Variants in FHOD3 observed in about 807,000 individuals in gnomAD.
The protein encoded by FHOD3 is FH1/FH2 domain-containing protein 3.
FHOD3 carries 90 observed loss-of-function variants against 173.0 expected under a neutral mutation model. The observed-to-expected ratio is 0.52, with a 90% CI of 0.44 to 0.62. The LOEUF is 0.62. Ranked by LOEUF, FHOD3 falls within the 20% of genes least tolerant of loss-of-function variation. The pLI is 0.00. For missense variants in FHOD3, 1,945 were observed against 2,034.7 expected (o/e 0.96, Z 0.85); for synonymous variants, 828 against 823.0 (o/e 1.01, Z -0.10).
chr18:36,386,006 C>A (rs533755285), intron 3 of FHOD3, among the ~76,000 whole-genome samples: 2 of 152,156 alleles, frequency 1.3e-5, no homozygotes, highest in Non-Finnish European at 2.9e-5. Flanking sequence ...AAAGTTGAAA[C>A]GTTATGCTCT....
intron 1 of FHOD3, among the ~76,000 whole-genome samples, chr18:36,352,286 T>G (rs544002811): frequency 2.1e-4 from 32 of 151,994 alleles, no homozygotes; most frequent in Non-Finnish European, 3.5e-4. Context: ...TAAAAGAAAT[T>G]TAAAATAAAT....
At chr18:36,619,073 C>G (rs2033484651) in intron 9 of FHOD3, among the ~76,000 whole-genome samples, 2 of 152,196 alleles carry the variant, frequency 1.3e-5, no homozygotes, top group Admixed American at 6.5e-5. Context: ...CTGCTTGCCT[C>G]TCTACCTTCC....
At chr18:36,375,806 G>A (rs1382201733) in intron 3 of FHOD3, among the ~76,000 whole-genome samples, 1 of 152,238 alleles carries the variant, frequency 6.6e-6, no homozygotes, top group Non-Finnish European at 1.5e-5. Flanking sequence ...AGGTTGGAAT[G>A]AGATTTTGGT....
At chr18:36,484,181 T>G (rs2054073978) in intron 3 of FHOD3, among the ~76,000 whole-genome samples, 1 of 152,256 alleles carries the variant, frequency 6.6e-6, no homozygotes, top group African/African-American at 2.4e-5. Context: ...AATTCTTAGC[T>G]GTGAGGGCTC....
At chr18:36,727,571 A>C (rs2041140618) in intron 19 of FHOD3, among the ~76,000 whole-genome samples, 1 of 152,166 alleles carries the variant, frequency 6.6e-6, no homozygotes, top group Non-Finnish European at 1.5e-5. Flanking sequence ...GTGCTCTGCA[A>C]ATGTGCAGAA....
At chr18:36,602,440 C>T (rs2031515660) in intron 7 of FHOD3, among the ~76,000 whole-genome samples, 1 of 152,180 alleles carries the variant, frequency 6.6e-6, no homozygotes. Flanking sequence ...CTGAAGCGTA[C>T]ACAATGCTCT....
At chr18:36,497,659 AT>A (rs1444137972) in intron 3 of FHOD3, among the ~76,000 whole-genome samples, 1 of 152,218 alleles carries the variant, frequency 6.6e-6, no homozygotes, top group Non-Finnish European at 1.5e-5. Flanking sequence ...AGCCACAACA[AT>A]CCCAAATGTA....
rs924475816 is a variant in FHOD3, at chr18:36,312,436, G to C, written c.165+14436G>C. On this transcript the variant is annotated intron_variant, in intron 1 of 28. Coordinates refer to ENST00000590592, the MANE Select transcript of FHOD3 (RefSeq NM_001281740.3). ...GGGCTCTGAGGCCAAATACCCAGCT[G>C]CCCTTTGAACAGCTCGTCCTGGACG... Among the ~76,000 whole-genome samples the C allele has an allele frequency of 4.3e-4, 65 of 152,070 alleles. 1 individual carries two copies. Among genetic ancestry groups the C allele is most frequent in the Admixed American group, 4.2e-3 (64 of 15,270 alleles).
intron 3 of FHOD3, among the ~76,000 whole-genome samples, chr18:36,481,554 G>C (rs1207916905): frequency 6.6e-6 from 1 of 151,586 alleles, no homozygotes; most frequent in Non-Finnish European, 1.5e-5. Flanking sequence ...TTTCTTACAT[G>C]GTTCTGAAAA....
intron 7 of FHOD3, among the ~76,000 whole-genome samples, chr18:36,600,273 ACACACACACACACACATATG>A (rs2031166329): frequency 6.6e-6 from 1 of 151,692 alleles, no homozygotes; most frequent in Non-Finnish European, 1.5e-5. Flanking sequence ...ACACACACAC[ACACACACACACACACATATG>A]CACACATACA....
intron 3 of FHOD3, among the ~76,000 whole-genome samples, chr18:36,497,051 G>T (rs1354265624): frequency 6.6e-6 from 1 of 152,190 alleles, no homozygotes; most frequent in Non-Finnish European, 1.5e-5. Flanking sequence ...TTGTGAATCT[G>T]CAAAGTCTGT....
chr18:36,465,474 G>A (rs562015351), intron 3 of FHOD3, among the ~76,000 whole-genome samples: 70 of 152,304 alleles, frequency 4.6e-4, no homozygotes, highest in South Asian at 2.3e-3. Context: ...TCTGCAAAGC[G>A]CAGGGGTGGG....
intron 3 of FHOD3, among the ~76,000 whole-genome samples, chr18:36,478,973 A>G (rs1390539211): frequency 6.6e-6 from 1 of 152,240 alleles, no homozygotes; most frequent in Non-Finnish European, 1.5e-5. Flanking sequence ...TATACCTTAT[A>G]CAACGTATAA....
chr18:36,297,866 T>C lies in FHOD3; in HGVS notation c.31T>C (p.Leu11=), dbSNP rs1481610494. The C allele has an allele frequency of 6.5e-7, 1 of 1,544,032 alleles. No homozygotes were observed. Among genetic ancestry groups the C allele is most frequent in the South Asian group, 1.2e-5 (1 of 83,202 alleles). Residue 11 remains leucine (L), a synonymous_variant, in exon 1 of 29, where the codon TTG becomes CTG. Coordinates refer to ENST00000590592, the MANE Select transcript of FHOD3 (RefSeq NM_001281740.3). ...CACGCTGGCTTGCCGGGTGCAGTTC[T>C]TGGACGACACGGACCCTTTCAACAG... MATLACRVQF[L]DDTDPFNSTN...
At chr18:36,469,828 C>T (rs1431996495) in intron 3 of FHOD3, among the ~76,000 whole-genome samples, 3 of 139,228 alleles carry the variant, frequency 2.2e-5, no homozygotes, top group East Asian at 2.6e-4. Context: ...GGGGTGGCGG[C>T]GGGGTCTGCG....
chr18:36,490,917 T>A (rs1027024922), intron 3 of FHOD3, among the ~76,000 whole-genome samples: 1 of 152,212 alleles, frequency 6.6e-6, no homozygotes, highest in East Asian at 1.9e-4. Flanking sequence ...TCAGAGTAGA[T>A]ACAGATGTGT....
chr18:36,571,462 A>G (rs2058449826), intron 5 of FHOD3, among the ~76,000 whole-genome samples: 1 of 152,252 alleles, frequency 6.6e-6, no homozygotes, highest in Non-Finnish European at 1.5e-5. Flanking sequence ...CCTAGAATTT[A>G]TAGATTAACA....
At chr18:36,595,503 C>A (rs571367128) in intron 7 of FHOD3, among the ~76,000 whole-genome samples, 41 of 148,070 alleles carry the variant, frequency 2.8e-4, no homozygotes, top group African/African-American at 9.8e-4. Flanking sequence ...TCGGCTGTAC[C>A]CCCACCCCCT....
intron 15 of FHOD3, among the ~76,000 whole-genome samples, chr18:36,684,554 A>G (rs964418019): frequency 1.3e-5 from 2 of 152,218 alleles, no homozygotes; most frequent in African/African-American, 4.8e-5. Context: ...AGGAAAATTA[A>G]AATAGAAAAT....
Sources: gnomAD v4.1 joint callset for allele counts (sites outside exome capture counted in the v4.1 genomes callset) on GRCh38, gnomAD v4.1.1 for gene constraint, MANE v1.5 for transcripts, NCBI Gene and HGNC (gene_info 2026-07-23, HGNC 2026-07-21) for gene names.